The following SVIL variants were observed in gnomAD, a reference collection of about 807,000 sequenced individuals.
SVIL encodes the protein archvillin.
Under a neutral mutation model 240.4 loss-of-function variants are expected in SVIL, and 101 were observed. That is an observed-to-expected ratio of 0.42 (90% confidence interval 0.36 to 0.50). The LOEUF is 0.50. Ranked by LOEUF, SVIL falls within the 20% of genes least tolerant of loss-of-function variation. SVIL has a pLI of 0.01. For missense variants in SVIL, 2,512 were observed against 2,818.7 expected, an observed-to-expected ratio of 0.89 and a Z score of 2.46; for synonymous variants, 999 against 1,100.0, an observed-to-expected ratio of 0.91 and a Z score of 1.82.
chr10:29,729,493 GTGTA>G (rs1454571091), intron 1 of SVIL, among the ~76,000 whole-genome samples: 15 of 123,388 alleles, frequency 1.2e-4, no homozygotes, highest in East Asian at 4.9e-4. Context: ...GTGTGTGTGT[GTGTA>G]TGTATGTGGT....
intron 1 of SVIL, among the ~76,000 whole-genome samples, chr10:29,717,466 G>A: frequency 6.6e-6 from 1 of 151,976 alleles, no homozygotes; most frequent in Non-Finnish European, 1.5e-5. Flanking sequence ...TCAATATGTG[G>A]ATGACTTCAC....
chr10:29,480,060 G>A (rs574907120), intron 29 of SVIL, among the ~76,000 whole-genome samples: 1 of 152,182 alleles, frequency 6.6e-6, no homozygotes, highest in Non-Finnish European at 1.5e-5. Flanking sequence ...TCTCAGTCTC[G>A]GGAGAAACAG....
chr10:29,551,849 A>C (rs1953371749), intron 5 of SVIL, among the ~76,000 whole-genome samples: 2 of 152,146 alleles, frequency 1.3e-5, no homozygotes. Flanking sequence ...AGTGGCTCAC[A>C]CCTGTAATCC....
chr10:29,463,614 T>C lies in SVIL; in HGVS notation c.6155A>G (p.His2052Arg). ...PQPALFLVDN[H>R]HEVYLWQGWW... is the part of the protein sequence containing the mutation. Reference sequence around the variant, plus strand: ...GCCTTGCCAGAGGTACACCTCGTGGTGATTGTCAACAAGGAAAAGTGCTGT... The same window carrying C: ...GCCTTGCCAGAGGTACACCTCGTGGCGATTGTCAACAAGGAAAAGTGCTGT... The change falls in exon 35 of 38, where the codon CAC becomes CGC. Residue 2052 changes from histidine (H) to arginine (R), a missense_variant. His to Arg is a conservative substitution (Grantham distance 29). This residue lies in a region of SVIL where 797 missense variants were observed against 925.3 expected (regional missense o/e 0.86). Transcript: ENST00000355867. The C allele has an allele frequency of 6.2e-7, 1 of 1,614,056 alleles. No homozygotes were observed. Among genetic ancestry groups the C allele is most frequent in the Non-Finnish European group, 8.5e-7 (1 of 1,180,004 alleles).
chr10:29,488,507 CGGCACA>C, intron 23 of SVIL, 88 bp downstream of exon 23: 2 of 1,362,558 alleles, frequency 1.5e-6, no homozygotes, highest in Non-Finnish European at 1.9e-6. Context: ...GTTCCTTTCC[CGGCACA>C]GGCAATGAAT....
chr10:29,646,662 T>G (rs143037469), intron 3 of SVIL, among the ~76,000 whole-genome samples: 1 of 152,112 alleles, frequency 6.6e-6, no homozygotes, highest in Non-Finnish European at 1.5e-5. Context: ...AGTAATCTAA[T>G]CTTGTAGAGG....
intron 6 of SVIL, among the ~76,000 whole-genome samples, chr10:29,541,823 G>A (rs1049549074): frequency 2.6e-5 from 4 of 151,964 alleles, no homozygotes; most frequent in African/African-American, 4.8e-5. Flanking sequence ...AGTTCACGAC[G>A]CTCCACAAGT....
intron 17 of SVIL, among the ~76,000 whole-genome samples, chr10:29,506,754 AGGGGACAGAGGCCCTAGAGGG>A (rs1949363858): frequency 6.8e-6 from 1 of 146,224 alleles, no homozygotes; most frequent in Non-Finnish European, 1.5e-5. Context: ...CCCTAGAGGG[AGGGGACAGAGGCCCTAGAGGG>A]AAAGGACAGA....
chr10:29,568,372 ATGT>A (rs1376500819), intron 2 of SVIL, among the ~76,000 whole-genome samples: 1 of 151,800 alleles, frequency 6.6e-6, no homozygotes, highest in Non-Finnish European at 1.5e-5. Flanking sequence ...GTCTATCCTA[ATGT>A]TGTTGAAATG....
At chr10:29,693,576 C>A (rs907407021) in intron 1 of SVIL, among the ~76,000 whole-genome samples, 8 of 152,176 alleles carry the variant, frequency 5.3e-5, no homozygotes, top group African/African-American at 1.9e-4. Flanking sequence ...GACTAAGCTG[C>A]CCCTGGAGAG....
intron 2 of SVIL, among the ~76,000 whole-genome samples, chr10:29,666,255 TA>T (rs949321576): frequency 6.6e-6 from 1 of 152,110 alleles, no homozygotes; most frequent in African/African-American, 2.4e-5. Context: ...TTCCACTCTT[TA>T]AAAAAATAAT....
chr10:29,475,688 T>C (rs1379289829), intron 29 of SVIL, among the ~76,000 whole-genome samples: 1 of 152,060 alleles, frequency 6.6e-6, no homozygotes, highest in Non-Finnish European at 1.5e-5. Flanking sequence ...GTGAGGCCAG[T>C]AGACCAAGCA....
At chr10:29,655,323 C>T (rs78721916) in intron 3 of SVIL, among the ~76,000 whole-genome samples, 3,973 of 152,064 alleles carry the variant, frequency 0.026, 103 homozygotes, top group Admixed American at 0.069. Flanking sequence ...CCCTAGACCC[C>T]CCGGCAAGCC....
At chr10:29,633,867 T>C (rs1958207977) in intron 1 of SVIL, among the ~76,000 whole-genome samples, 1 of 151,856 alleles carries the variant, frequency 6.6e-6, no homozygotes, top group Non-Finnish European at 1.5e-5. Flanking sequence ...TACAGTGAGG[T>C]TTTTCTCATA....
rs111821096 is a variant in SVIL, at chr10:29,484,641, C to T, written c.4955+15G>A. ...GCTCGCTTGAAGAGCTGTCCCCGGG[C>T]GGCGGCAGGAGTACCTGGGGATAAG... On this transcript the variant is annotated intron_variant, in intron 27 of 37. Coordinates refer to ENST00000355867, the MANE Select transcript of SVIL (RefSeq NM_021738.3). This position sits in a 1 kb window ranked among gnomAD's most constrained non-coding sequence, Gnocchi z 4.7. 11 of 1,603,730 alleles carry T rather than the reference C, an allele frequency of 6.9e-6. No homozygotes were observed. Among genetic ancestry groups the T allele is most frequent in the Admixed American group, 5.1e-5 (3 of 58,992 alleles).
chr10:29,730,099 G>A (rs1219986176), intron 1 of SVIL, among the ~76,000 whole-genome samples: 3 of 152,022 alleles, frequency 2.0e-5, no homozygotes, highest in African/African-American at 7.2e-5. Context: ...GATTCCTTGA[G>A]CCCAGGAGTT....
chr10:29,629,930 T>C (rs1340650300), intron 1 of SVIL, among the ~76,000 whole-genome samples: 1 of 148,800 alleles, frequency 6.7e-6, no homozygotes, highest in Non-Finnish European at 1.5e-5. Flanking sequence ...CAGTGAACCA[T>C]GGTCATGCCA....
intron 3 of SVIL, among the ~76,000 whole-genome samples, chr10:29,555,808 G>A (rs1245625815): frequency 6.7e-6 from 1 of 148,504 alleles, no homozygotes; most frequent in Non-Finnish European, 1.5e-5. Flanking sequence ...CAGGGCCATC[G>A]GCAAGCTACA....
chr10:29,677,480 C>A (rs1308136270), intron 2 of SVIL, among the ~76,000 whole-genome samples: 1 of 152,174 alleles, frequency 6.6e-6, no homozygotes, highest in Non-Finnish European at 1.5e-5. Flanking sequence ...ACAATCATAG[C>A]TCTCTGCAGC....
Sources: allele counts gnomAD v4.1 joint callset (sites outside exome capture counted in the v4.1 genomes callset), GRCh38; gene constraint gnomAD v4.1.1; regional missense constraint gnomAD v4.1.1; non-coding constraint Gnocchi (gnomAD v3.1); transcripts MANE v1.5; gene names NCBI Gene and HGNC (gene_info 2026-07-23, HGNC 2026-07-21).